The following MGST2 variants were observed in gnomAD, a reference collection of about 807,000 sequenced individuals.
The protein encoded by MGST2 is glutathione peroxidase MGST2.
In MGST2, 9 loss-of-function variants were observed where a neutral mutation model predicts 16.6. That is an observed-to-expected ratio of 0.54 (90% CI 0.33 to 0.95). The LOEUF is 0.95. MGST2 is among the 40% of genes least tolerant of loss of function. MGST2 has a pLI of 0.03. For synonymous variants in MGST2, 79 were observed against 68.0 expected (o/e 1.16, Z -0.79); for missense variants, 159 against 175.1 (o/e 0.91, Z 0.52).
At chr4:139,702,940 T>C (rs1330197602) in intron 3 of MGST2, among the ~76,000 whole-genome samples, 1 of 150,686 alleles carries the variant, frequency 6.6e-6, no homozygotes, top group African/African-American at 2.4e-5. Flanking sequence ...ATTTATTTAT[T>C]TTTCAGATGG....
the MGST2 span, among the ~76,000 whole-genome samples, chr4:139,749,313 T>C: frequency 1.1e-4 from 17 of 152,364 alleles, no homozygotes; most frequent in Admixed American, 3.9e-4. Context: ...AAAAAAGTTT[T>C]CTCTAAGAGA....
At chr4:139,699,372 A>G (rs752389949) in intron 3 of MGST2, among the ~76,000 whole-genome samples, 29 of 152,330 alleles carry the variant, frequency 1.9e-4, no homozygotes, top group Non-Finnish European at 3.2e-4. Flanking sequence ...CATAAAATTC[A>G]TATATATATC....
At chr4:139,683,142 C>T (rs1731352204) in intron 2 of MGST2, among the ~76,000 whole-genome samples, 1 of 152,262 alleles carries the variant, frequency 6.6e-6, no homozygotes, top group African/African-American at 2.4e-5. Flanking sequence ...GGCTTTCAGC[C>T]TTCAAGCTTT....
Position 139,737,078 on chromosome 4 carries a change from A to G in MGST2, c.*49-3134A>G, listed in dbSNP as rs1275330125. On this transcript the variant is annotated intron_variant, in intron 5 of 5. Transcript: ENST00000616265. ...GTGCTGTGGAGGCTGAGGAGCATCC[A>G]TGACTGAGGAAGGGCGAGTCCCCTA... Among the ~76,000 whole-genome samples, 6 of 152,276 alleles carry G rather than the reference A, an allele frequency of 3.9e-5. No individual in the cohort carries two copies. In the East Asian group the frequency reaches 9.7e-4, roughly 25 times the overall value.
At chr4:139,667,347 T>G (rs1730420293) in intron 1 of MGST2, among the ~76,000 whole-genome samples, 1 of 152,048 alleles carries the variant, frequency 6.6e-6, no homozygotes, top group Non-Finnish European at 1.5e-5. Context: ...GACTCACAGG[T>G]GCTACCAAAC....
chr4:139,667,227 T>C (rs1203307353), intron 1 of MGST2, among the ~76,000 whole-genome samples: 1 of 152,084 alleles, frequency 6.6e-6, no homozygotes, highest in Non-Finnish European at 1.5e-5. Flanking sequence ...CGGAAGCATA[T>C]AGTTCACGAT....
chr4:139,746,124 A>G, the MGST2 span, among the ~76,000 whole-genome samples: 3 of 152,242 alleles, frequency 2.0e-5, no homozygotes, highest in Non-Finnish European at 4.4e-5. Context: ...ATAAGCTCTC[A>G]GTTGGATTTT....
intron 2 of MGST2, among the ~76,000 whole-genome samples, chr4:139,692,224 C>G (rs1316733140): frequency 1.3e-5 from 2 of 152,206 alleles, no homozygotes; most frequent in Non-Finnish European, 2.9e-5. Context: ...CTGAGCTGCT[C>G]CAGTACTCCA....
At chr4:139,742,754 C>T (rs1373511882), downstream of MGST2, among the ~76,000 whole-genome samples, 2 of 152,094 alleles carry the variant, frequency 1.3e-5, no homozygotes, top group Admixed American at 6.6e-5. Context: ...ATTCTTTATA[C>T]GTCTTGTGTT....
chr4:139,731,225 C>T (rs1194674952), intron 5 of MGST2: 1 of 158,882 alleles, frequency 6.3e-6, no homozygotes, highest in Non-Finnish European at 1.4e-5. Flanking sequence ...AAAAATCCTC[C>T]TGGCCAGAGT....
In MGST2 at chr4:139,715,067, T is replaced by G. The variant is rs1184631879; in HGVS notation, c.*48+10871T>G. ...GAGGGGCCTCTAACCCGCTAAATCT[T>G]AGAAGGGACTCTAACTCTCCTAAGT... On this transcript the variant is annotated intron_variant, in intron 5 of 5. Transcript: ENST00000616265. This position sits in a 1 kb window ranked among gnomAD's most constrained non-coding sequence, Gnocchi z 4.4. 6.6e-6 allele frequency among the ~76,000 whole-genome samples: 1 copy of G among 152,178 alleles called. No individual in the cohort carries two copies. Among genetic ancestry groups the G allele is most frequent in the East Asian group, 1.9e-4 (1 of 5,194 alleles).
At chr4:139,721,990 CAG>C in intron 5 of MGST2, among the ~76,000 whole-genome samples, 1 of 152,162 alleles carries the variant, frequency 6.6e-6, no homozygotes, top group Admixed American at 6.5e-5. Flanking sequence ...ATTGCTGAGT[CAG>C]AGATTGATTG....
chr4:139,674,048 G>A (rs549135885), intron 1 of MGST2, among the ~76,000 whole-genome samples: 119 of 152,234 alleles, frequency 7.8e-4, no homozygotes, highest in Middle Eastern at 3.4e-3. Flanking sequence ...TAAAAACTTG[G>A]GTCAGCAGAA....
chr4:139,680,198 C>T lies in MGST2; in HGVS notation c.158+1556C>T, dbSNP rs563986176. 9.2e-5 allele frequency among the ~76,000 whole-genome samples: 14 copies of T among 151,852 alleles called. No individual in the cohort carries two copies. In the East Asian group the frequency reaches 2.7e-3, roughly 29 times the overall value. ...CCTCATCCTTCCAGTAACATTATATCACTCTGTTAGGTTAAATCAATAGCC... is the reference window on the plus strand; with the variant it reads ...CCTCATCCTTCCAGTAACATTATATTACTCTGTTAGGTTAAATCAATAGCC... On this transcript the variant is annotated intron_variant, in intron 2 of 4. Coordinates refer to ENST00000265498, the MANE Select transcript of MGST2 (RefSeq NM_002413.5).
At chr4:139,717,263 CCT>C (rs2110944252) in intron 5 of MGST2, 1 of 152,718 alleles carries the variant, frequency 6.5e-6, no homozygotes, top group South Asian at 2.1e-4. Flanking sequence ...GCCCCCCACC[CCT>C]GTCTGTCTCA....
At chr4:139,739,157 A>G (rs1271544438) in intron 5 of MGST2, among the ~76,000 whole-genome samples, 1 of 152,192 alleles carries the variant, frequency 6.6e-6, no homozygotes, top group Non-Finnish European at 1.5e-5. Flanking sequence ...CTAAACCAAC[A>G]TCAGGTATAA....
chr4:139,754,028 A>T, the MGST2 span, among the ~76,000 whole-genome samples: 1 of 152,262 alleles, frequency 6.6e-6, no homozygotes, highest in Non-Finnish European at 1.5e-5. Flanking sequence ...TACTATGCAC[A>T]TGTACATTAA....
chr4:139,720,506 T>C (rs2110956391), intron 5 of MGST2, among the ~76,000 whole-genome samples: 1 of 152,292 alleles, frequency 6.6e-6, no homozygotes, highest in South Asian at 2.1e-4. Context: ...TGTGAAAATT[T>C]TGAAAGTGTT....
At chr4:139,688,833 G>A (rs543683301) in intron 2 of MGST2, among the ~76,000 whole-genome samples, 3 of 152,184 alleles carry the variant, frequency 2.0e-5, no homozygotes, top group African/African-American at 4.8e-5. Context: ...GGGGCTGGGC[G>A]CAGTGGCCCG....
Sources: allele counts gnomAD v4.1 joint callset (sites outside exome capture counted in the v4.1 genomes callset), GRCh38; gene constraint gnomAD v4.1.1; non-coding constraint Gnocchi (gnomAD v3.1); transcripts MANE v1.5; gene names NCBI Gene and HGNC (gene_info 2026-07-23, HGNC 2026-07-21).